GNG7: variants seen among roughly 807,000 people sequenced by gnomAD.
GNG7 encodes the protein G protein subunit gamma 7.
A neutral mutation model predicts 4.0 loss-of-function variants in GNG7; 1 was observed. That is an observed-to-expected ratio of 0.25 (90% CI 0.09 to 1.18). The LOEUF is 1.18. Ranked by LOEUF, GNG7 falls within the 50% of genes most tolerant of loss-of-function variation. GNG7 has a pLI of 0.50. For synonymous variants in GNG7, 34 were observed against 36.9 expected, an observed-to-expected ratio of 0.92 and a Z score of 0.29; for missense variants, 86 against 91.9, an observed-to-expected ratio of 0.94 and a Z score of 0.26.
At chr19:2,576,693 C>T (rs900928961) in intron 2 of GNG7, among the ~76,000 whole-genome samples, 6 of 149,978 alleles carry the variant, frequency 4.0e-5, no homozygotes, top group Admixed American at 2.0e-4. Context: ...ACTACAGGTG[C>T]GTACCAGCCC....
chr19:2,699,518 C>T (rs1280310999), intron 1 of GNG7, among the ~76,000 whole-genome samples: 1 of 152,206 alleles, frequency 6.6e-6, no homozygotes, highest in African/African-American at 2.4e-5. Flanking sequence ...AATGACAGCA[C>T]TAAATGACTT....
rs935710822 is a variant in GNG7 at position 2,546,676 on chromosome 19, C to T, written c.-38+8473G>A. Reference sequence around the variant, plus strand: ...CGGAGCTTGGAGCCTAAGAATGAGCCGGCTTGTTCAGACAAAGAGGCCGCG... The same window carrying T: ...CGGAGCTTGGAGCCTAAGAATGAGCTGGCTTGTTCAGACAAAGAGGCCGCG... On this transcript the variant is annotated intron_variant, in intron 3 of 4. Transcript: ENST00000382159. This position sits in a 1 kb window ranked among gnomAD's most constrained non-coding sequence, Gnocchi z 6.3. 1.3e-5 allele frequency among the ~76,000 whole-genome samples: 2 copies of T among 152,184 alleles called. No individual in the cohort carries two copies. Among genetic ancestry groups the T allele is most frequent in the African/African-American group, 2.4e-5 (1 of 41,434 alleles).
intron 1 of GNG7, among the ~76,000 whole-genome samples, chr19:2,670,223 G>A (rs529046200): frequency 6.6e-6 from 1 of 152,266 alleles, no homozygotes; most frequent in African/African-American, 2.4e-5. Context: ...TCTGTCTGGT[G>A]CAGCCTGGTT....
chr19:2,676,559 G>C (rs1195585580), intron 1 of GNG7, among the ~76,000 whole-genome samples: 1 of 152,144 alleles, frequency 6.6e-6, no homozygotes, highest in African/African-American at 2.4e-5. Context: ...CCACAGGCGC[G>C]CACCATCATG....
chr19:2,522,621 G>A lies in GNG7; in HGVS notation c.-37-1896C>T, dbSNP rs113421912. 4.2e-3 allele frequency among the ~76,000 whole-genome samples: 633 copies of A among 151,338 alleles called. 2 individuals are homozygous for A. The highest frequency in any genetic ancestry group is 0.014 in the African/African-American group (594 of 41,356). On this transcript the variant is annotated intron_variant, in intron 3 of 4. Transcript: ENST00000382159. ...AACCCCGTCTCCCGGGCGTGGTGGC[G>A]GGTGCCTGTAGTCCCAGCTACTCGG...
chr19:2,657,350 AAAAAAAAAAAAATATATATATATATATAT>A (rs1422996135), intron 1 of GNG7, among the ~76,000 whole-genome samples: 2,800 of 25,278 alleles, frequency 0.11, 392 homozygotes, highest in East Asian at 0.5. Context: ...AAAAAAAAAA[AAAAAAAAAAAAATATATATATATATATAT>A]ATATATATAT....
intron 1 of GNG7, among the ~76,000 whole-genome samples, chr19:2,655,925 T>C (rs1568275841): frequency 6.8e-6 from 1 of 146,376 alleles, no homozygotes; most frequent in Non-Finnish European, 1.5e-5. Context: ...GCTTGGAGAC[T>C]GAGGCAGGAG....
At chr19:2,543,166 G>A (rs147947528) in intron 3 of GNG7, among the ~76,000 whole-genome samples, 3,697 of 150,380 alleles carry the variant, frequency 0.025, 67 homozygotes, top group South Asian at 0.044. Flanking sequence ...TGATCCACCT[G>A]CCTTGGCCTC....
chr19:2,576,381 T>G (rs1980340932), intron 2 of GNG7, among the ~76,000 whole-genome samples: 1 of 152,150 alleles, frequency 6.6e-6, no homozygotes, highest in African/African-American at 2.4e-5. Context: ...CACTCCCTCC[T>G]AGAGTTCACC....
At chr19:2,689,993 T>C (rs1913096518) in intron 1 of GNG7, among the ~76,000 whole-genome samples, 2 of 152,230 alleles carry the variant, frequency 1.3e-5, no homozygotes, top group African/African-American at 2.4e-5. Context: ...TGCCATATAA[T>C]TGTCATGTGT....
intron 1 of GNG7, among the ~76,000 whole-genome samples, chr19:2,654,749 T>C (rs1441606563): frequency 7.4e-6 from 1 of 135,374 alleles, no homozygotes; most frequent in Non-Finnish European, 1.6e-5. Flanking sequence ...AATTCAATTA[T>C]TTTTTTCGAA....
At chr19:2,520,129 C>T (rs570395134) in intron 4 of GNG7, among the ~76,000 whole-genome samples, 94 of 152,280 alleles carry the variant, frequency 6.2e-4, no homozygotes, top group Non-Finnish European at 1.0e-3. Flanking sequence ...TGCAGTGAGC[C>T]GAGATCGCGC....
rs770052948 is a variant in GNG7 at position 2,557,277 on chromosome 19, A to G, written c.-77-2089T>C. Reference sequence around the variant, plus strand: ...CACGTGCACACACATTTGCACACACAGACACGTGCACACACAGAGGTGCAC... The same window carrying G: ...CACGTGCACACACATTTGCACACACGGACACGTGCACACACAGAGGTGCAC... On this transcript the variant is annotated intron_variant, in intron 2 of 4. Transcript: ENST00000382159. The surrounding 1 kb of genome is among the most constrained non-coding windows in gnomAD (Gnocchi z 5.1). Among the ~76,000 whole-genome samples the G allele has an allele frequency of 3.3e-5, 5 of 151,434 alleles. No homozygotes were observed. Among genetic ancestry groups the G allele is most frequent in the Admixed American group, 3.3e-4 (5 of 15,198 alleles).
At chr19:2,667,358 C>T (rs1236198967) in intron 1 of GNG7, among the ~76,000 whole-genome samples, 1 of 152,024 alleles carries the variant, frequency 6.6e-6, no homozygotes, top group Non-Finnish European at 1.5e-5. Context: ...ATTTTCACAG[C>T]CCCAAGGTTT....
At chr19:2,602,573 C>T (rs912039445) in intron 2 of GNG7, among the ~76,000 whole-genome samples, 1 of 152,256 alleles carries the variant, frequency 6.6e-6, no homozygotes, top group African/African-American at 2.4e-5. Context: ...CTCGCACAGG[C>T]GGACAGACGG....
rs59661558 is a variant in GNG7, at chr19:2,676,561, A to T, written c.-135+26085T>A. On this transcript the variant is annotated intron_variant, in intron 1 of 4. Transcript: ENST00000382159. ...CAAGGAACTGGGACCACAGGCGCGC[A>T]CCATCATGCTTGCCTAATTTTTGTT... Among the ~76,000 whole-genome samples, 6 of 152,018 alleles carry T rather than the reference A, an allele frequency of 3.9e-5. No homozygotes were observed. In the South Asian group the frequency reaches 1.0e-3, roughly 26 times the overall value.
chr19:2,581,336 G>A (rs892084301), intron 2 of GNG7, among the ~76,000 whole-genome samples: 4 of 135,864 alleles, frequency 2.9e-5, no homozygotes, highest in Non-Finnish European at 6.4e-5. Flanking sequence ...GGGGTGGGGG[G>A]GTGGGGGGCG....
At chr19:2,520,231 A>G (rs1203433711) in intron 4 of GNG7, among the ~76,000 whole-genome samples, 1 of 152,204 alleles carries the variant, frequency 6.6e-6, no homozygotes, top group Non-Finnish European at 1.5e-5. Context: ...TGAAAAGTAG[A>G]TACGACATGC....
At chr19:2,649,630 C>A (rs1198784728) in intron 1 of GNG7, among the ~76,000 whole-genome samples, 4 of 152,012 alleles carry the variant, frequency 2.6e-5, no homozygotes, top group Non-Finnish European at 5.9e-5. Context: ...CCTCATGATC[C>A]ACCCGCCTCA....
Sources: gnomAD v4.1 joint callset for allele counts (sites outside exome capture counted in the v4.1 genomes callset) on GRCh38, gnomAD v4.1.1 for gene constraint, Gnocchi (gnomAD v3.1) non-coding constraint, MANE v1.5 for transcripts, NCBI Gene and HGNC (gene_info 2026-07-23, HGNC 2026-07-21) for gene names.